Variants in PRUNE1 observed in about 807,000 individuals in gnomAD.
PRUNE1 encodes the protein exopolyphosphatase PRUNE1.
PRUNE1 carries 25 observed loss-of-function variants against 42.5 expected under a neutral mutation model. That is an observed-to-expected ratio of 0.59 (90% CI 0.43 to 0.82). The LOEUF (loss-of-function observed/expected upper bound fraction) is 0.82. Among genes scored for constraint, PRUNE1 ranks in the 40% least tolerant of loss-of-function variants. The pLI, the probability that PRUNE1 is intolerant of heterozygous loss-of-function variation, is 0.00. For missense variants in PRUNE1, 443 were observed against 539.3 expected, an observed-to-expected ratio of 0.82 and a Z score of 1.77; for synonymous variants, 203 against 217.1, an observed-to-expected ratio of 0.93 and a Z score of 0.57.
At chr1:151,022,290 A>G (rs1415920514) in intron 3 of PRUNE1, among the ~76,000 whole-genome samples, 3 of 149,932 alleles carry the variant, frequency 2.0e-5, no homozygotes, top group Non-Finnish European at 4.4e-5. Context: ...TTGTATTTTT[A>G]GTAGAGACGG....
In PRUNE1 at chr1:151,035,685, G is replaced by A; in HGVS notation, c.*1451G>A. On this transcript the variant is annotated 3_prime_UTR_variant, in exon 8 of 8. Coordinates refer to ENST00000271620, the MANE Select transcript of PRUNE1 (RefSeq NM_021222.3). ...ACTTGGGTACTTTATTTTGCATTTT[G>A]TTATACTATTAAATAATTTTTTCCT... 6.6e-6 allele frequency: 1 copy of A among 152,548 alleles called. No individual in the cohort carries two copies. Among genetic ancestry groups the A allele is most frequent in the East Asian group, 1.9e-4 (1 of 5,200 alleles). 9.4% of individuals were successfully genotyped at this position (152,548 alleles called of 1,614,324 possible). A position where few individuals can be genotyped will look rare whatever the true frequency, so the allele number is the denominator to read the frequency against.
Position 151,008,517 on chromosome 1 carries a change from C to T in PRUNE1, c.-116C>T. ...GTGTGGCGGGTTCGAGTCCCGCCTC[C>T]TGACTCTGGCCTCTAGTCCCTGAGT... is the stretch of plus-strand genomic sequence containing the variant. On this transcript the variant is annotated 5_prime_UTR_variant, in exon 1 of 8. Coordinates refer to ENST00000271620, the MANE Select transcript of PRUNE1 (RefSeq NM_021222.3). 9 of 1,386,926 alleles carry T rather than the reference C, an allele frequency of 6.5e-6. No individual in the cohort carries two copies. Among genetic ancestry groups the T allele is most frequent in the South Asian group, 1.2e-5 (1 of 85,710 alleles). The allele number at this position is 1,386,926 out of a possible 1,614,324, so 85.9% of individuals were successfully genotyped here.
Position 151,018,656 on chromosome 1 carries a change from C to T in PRUNE1, c.322C>T (p.His108Tyr), listed in dbSNP as rs147167297. Reference protein sequence around the residue: ...GQLTLILVDHHILSKSDTALE... With the variant: ...GQLTLILVDHYILSKSDTALE... ...ACTCACCCTCATCCTTGTCGACCAT[C>T]ATATCTTATCCAAGTAAGCACAAGG... Residue 108 changes from histidine (H) to tyrosine (Y), a missense_variant, in exon 3 of 8, where the codon CAT becomes TAT. By Grantham distance (83) the His-to-Tyr change is moderately conservative. Coordinates refer to ENST00000271620, the MANE Select transcript of PRUNE1 (RefSeq NM_021222.3). 2.2e-5 allele frequency: 35 copies of T among 1,613,732 alleles called. No homozygotes were observed. The African/African-American group carries it at 4.5e-4, about 21-fold the overall frequency.
At chr1:151,027,007 A>G (rs1674883268) in intron 5 of PRUNE1, among the ~76,000 whole-genome samples, 1 of 151,924 alleles carries the variant, frequency 6.6e-6, no homozygotes, top group Non-Finnish European at 1.5e-5. Flanking sequence ...GCTGGTCCCA[A>G]ACTCCTGACC....
chr1:151,012,054 G>A (rs1411611255), intron 1 of PRUNE1, among the ~76,000 whole-genome samples: 3 of 152,052 alleles, frequency 2.0e-5, no homozygotes, highest in Non-Finnish European at 4.4e-5. Context: ...TGGGATTACA[G>A]GCGTGAGCCA....
intron 4 of PRUNE1, among the ~76,000 whole-genome samples, chr1:151,025,282 G>A (rs1418126543): frequency 2.6e-5 from 4 of 152,184 alleles, no homozygotes; most frequent in Non-Finnish European, 4.4e-5. Context: ...AATCTCCAAG[G>A]TTTGAGATGC....
At chr1:151,016,004 A>C (rs1674084942) in intron 1 of PRUNE1, among the ~76,000 whole-genome samples, 3 of 152,138 alleles carry the variant, frequency 2.0e-5, no homozygotes. Context: ...TGGGAGGCTG[A>C]GGTGGGCGGA....
At chr1:151,018,997 C>G (rs587708391) in intron 3 of PRUNE1, among the ~76,000 whole-genome samples, 1 of 152,090 alleles carries the variant, frequency 6.6e-6, no homozygotes, top group African/African-American at 2.4e-5. Flanking sequence ...GAGCCGAGAT[C>G]GTGCCACTGC....
At position 151,028,897 on chromosome 1, in the gene PRUNE1, G is replaced by A. The variant is rs1675050860; in HGVS notation, c.886G>A (p.Val296Met). The change falls in exon 7 of 8, where the codon GTG becomes ATG. Residue 296 changes from valine to methionine, a missense_variant. Transcript: ENST00000271620. ...CTTTTTCAACACTCACAATGAGCCAGTGCGGCAGTTGGCTATTTTCTGTCC... is the reference window on the plus strand; with the variant it reads ...CTTTTTCAACACTCACAATGAGCCAATGCGGCAGTTGGCTATTTTCTGTCC... ...TIFFNTHNEP[V>M]RQLAIFCPHV... 2 of 1,613,736 alleles carry A rather than the reference G, an allele frequency of 1.2e-6. No individual in the cohort carries two copies. The highest frequency in any genetic ancestry group is 1.3e-5 in the African/African-American group (1 of 74,890).
chr1:151,015,237 G>A (rs1160081574), intron 1 of PRUNE1, among the ~76,000 whole-genome samples: 1 of 151,836 alleles, frequency 6.6e-6, no homozygotes, highest in Admixed American at 6.6e-5. Flanking sequence ...GGAGGCTGAA[G>A]GGGGAGAATC....
chr1:151,019,068 G>A (rs1474023447), intron 3 of PRUNE1, among the ~76,000 whole-genome samples: 2 of 152,032 alleles, frequency 1.3e-5, no homozygotes, highest in Admixed American at 1.3e-4. Flanking sequence ...TTTGCTTTCA[G>A]GGATCTCATA....
At chr1:151,015,388 C>A (rs1558074988) in intron 1 of PRUNE1, among the ~76,000 whole-genome samples, 1 of 147,774 alleles carries the variant, frequency 6.8e-6, no homozygotes, top group Non-Finnish European at 1.5e-5. Flanking sequence ...GTAATCCCAG[C>A]ACTTTGGGAG....
At chr1:151,025,370 C>T in intron 4 of PRUNE1, 145 bp from the exon 5 acceptor site, 1 of 766,284 alleles carries the variant, frequency 1.3e-6, no homozygotes, top group Non-Finnish European at 2.0e-6. Flanking sequence ...GGACACTGTC[C>T]ATCCCAGTTT....
rs587672692 is a variant in PRUNE1 at position 151,035,528 on chromosome 1, G to A, written c.*1294G>A. 2.0e-5 allele frequency: 3 copies of A among 152,680 alleles called. No homozygotes were observed. The South Asian group carries it at 6.2e-4, about 32-fold the overall frequency. 9.5% of individuals were successfully genotyped at this position (152,680 alleles called of 1,614,324 possible). A position where few individuals can be genotyped will look rare whatever the true frequency, so the allele number is the denominator to read the frequency against. ...ACAGTTTCACTGAACAGTGGGGTAT[G>A]TGATGGTTTTGGCATGACATCTTCA... On this transcript the variant is annotated 3_prime_UTR_variant, in exon 8 of 8. Transcript: ENST00000271620.
intron 6 of PRUNE1, among the ~76,000 whole-genome samples, chr1:151,028,334 G>T (rs1675008816): frequency 6.6e-6 from 1 of 152,120 alleles, no homozygotes; most frequent in African/African-American, 2.4e-5. Context: ...CTGCCTCCCG[G>T]GTTCAAGTAA....
chr1:151,034,246 C>A lies in PRUNE1; in HGVS notation c.*12C>A. The stretch of plus-strand genomic sequence containing the variant: ...TGTCCAAGAAGTGACTGTTGAGAGG[C>A]GAGGAGGTAGTGGGTGAGGCTACCT... On this transcript the variant is annotated 3_prime_UTR_variant, in exon 8 of 8. Transcript: ENST00000271620. The A allele has an allele frequency of 6.3e-7, 1 of 1,597,868 alleles. No homozygotes were observed. Among genetic ancestry groups the A allele is most frequent in the Non-Finnish European group, 8.6e-7 (1 of 1,168,256 alleles).
intron 1 of PRUNE1, among the ~76,000 whole-genome samples, chr1:151,015,214 C>T (rs1415099308): frequency 6.6e-6 from 1 of 150,848 alleles, no homozygotes; most frequent in African/African-American, 2.4e-5. Flanking sequence ...CTGTAGTCTA[C>T]TACAGCTACT....
chr1:151,022,194 A>G (rs1298779135), intron 3 of PRUNE1, among the ~76,000 whole-genome samples: 1 of 134,434 alleles, frequency 7.4e-6, no homozygotes, highest in African/African-American at 2.8e-5. Flanking sequence ...CACTGCAGTG[A>G]GCCTCCCAGA....
intron 1 of PRUNE1, among the ~76,000 whole-genome samples, chr1:151,011,428 T>G (rs1673763150): frequency 6.6e-6 from 1 of 152,156 alleles, no homozygotes; most frequent in South Asian, 2.1e-4. Context: ...GCAGTTTAGG[T>G]GTTCATCCAG....
Sources: gnomAD v4.1 joint callset for allele counts (sites outside exome capture counted in the v4.1 genomes callset) on GRCh38, gnomAD v4.1.1 for gene constraint, MANE v1.5 for transcripts, NCBI Gene and HGNC (gene_info 2026-07-23, HGNC 2026-07-21) for gene names.